The following LTBP1 variants were observed in gnomAD, a reference collection of about 807,000 sequenced individuals.
LTBP1 encodes latent-transforming growth factor beta-binding protein 1.
LTBP1 carries 129 observed loss-of-function variants against 207.6 expected under a neutral mutation model. That is an observed-to-expected ratio of 0.62 (90% confidence interval 0.54 to 0.72). The LOEUF (loss-of-function observed/expected upper bound fraction) is 0.72. Ranked by LOEUF, LTBP1 falls within the 30% of genes least tolerant of loss-of-function variation. The probability of loss-of-function intolerance (pLI) is 0.00; values close to 1 mark genes in which losing one functional copy is unlikely to be tolerated. For synonymous variants in LTBP1, 963 were observed against 833.7 expected, an observed-to-expected ratio of 1.16 and a Z score of -2.67; for missense variants, 2,281 against 2,217.2, an observed-to-expected ratio of 1.03 and a Z score of -0.58.
rs2087490281 is a variant in LTBP1 at position 33,188,712 on chromosome 2, T to G, written c.1562T>G (p.Val521Gly). ...GAAGCTCAACCAGGCCAATCCCAAG[T>G]CTCGTACCAAGGGCTTCCTGTCCAG... ...TKEAQPGQSQVSYQGLPVQKT... is the reference protein window; with the variant it reads ...TKEAQPGQSQGSYQGLPVQKT... The change falls in exon 7 of 34, where the codon GTC becomes GGC. Residue 521 changes from valine to glycine, a missense_variant. By Grantham distance (109) the Val-to-Gly change is moderately radical. This residue lies in a region of LTBP1 where 1,671 missense variants were observed against 1,634.8 expected (regional missense o/e 1.02). Coordinates refer to ENST00000404816, the MANE Select transcript of LTBP1 (RefSeq NM_206943.4). 1.9e-6 allele frequency: 3 copies of G among 1,613,940 alleles called. No homozygotes were observed. The highest frequency in any genetic ancestry group is 2.5e-6 in the Non-Finnish European group (3 of 1,180,028).
At chr2:33,303,719 C>T (rs1012391584) in intron 22 of LTBP1, among the ~76,000 whole-genome samples, 5 of 152,106 alleles carry the variant, frequency 3.3e-5, no homozygotes, top group Non-Finnish European at 4.4e-5. Flanking sequence ...CAAGAGGGTT[C>T]GCCCTCCTAT....
intron 2 of LTBP1, among the ~76,000 whole-genome samples, chr2:32,988,103 A>G (rs1470665303): frequency 6.6e-6 from 1 of 152,216 alleles, no homozygotes; most frequent in Non-Finnish European, 1.5e-5. Flanking sequence ...AGCAAGGAAC[A>G]GCTTCTCCCT....
chr2:33,209,609 T>G (rs901491099), intron 7 of LTBP1, among the ~76,000 whole-genome samples: 6 of 152,240 alleles, frequency 3.9e-5, no homozygotes, highest in Admixed American at 6.5e-5. Flanking sequence ...AGAGCACTTT[T>G]GAGAAAACCT....
intron 3 of LTBP1, among the ~76,000 whole-genome samples, chr2:33,052,688 A>G (rs959346472): frequency 6.6e-6 from 1 of 152,196 alleles, no homozygotes; most frequent in Non-Finnish European, 1.5e-5. Context: ...TACTATTTGT[A>G]AGTTTTCTGT....
chr2:33,008,567 T>C (rs1258160674), intron 2 of LTBP1, among the ~76,000 whole-genome samples: 1 of 152,236 alleles, frequency 6.6e-6, no homozygotes, highest in Middle Eastern at 3.2e-3. Flanking sequence ...CATTTAAGTC[T>C]ATTTGCCTTC....
chr2:33,057,707 G>A (rs1304499098), intron 3 of LTBP1, among the ~76,000 whole-genome samples: 1 of 152,242 alleles, frequency 6.6e-6, no homozygotes, highest in Non-Finnish European at 1.5e-5. Context: ...CGGCACGGCT[G>A]GCCGGCAGCT....
At chr2:33,018,271 G>A (rs761296352) in intron 2 of LTBP1, among the ~76,000 whole-genome samples, 11 of 151,260 alleles carry the variant, frequency 7.3e-5, no homozygotes, top group Non-Finnish European at 1.6e-4. Flanking sequence ...AGGTTCTTGC[G>A]GCTCATTCTT....
In LTBP1 at chr2:32,947,428, GC is replaced by G. The variant is rs1353479577; in HGVS notation, c.108del (p.Gly37AlafsTer9). The G allele has an allele frequency of 2.1e-6, 3 of 1,439,732 alleles. No individual in the cohort carries two copies. Among genetic ancestry groups the G allele is most frequent in the Non-Finnish European group, 1.8e-6 (2 of 1,098,994 alleles). The allele number at this position is 1,439,732 out of a possible 1,614,324, so 89.2% of individuals were successfully genotyped here. On this transcript the variant is annotated frameshift_variant, in exon 1 of 34. Coordinates refer to ENST00000404816, the MANE Select transcript of LTBP1 (RefSeq NM_206943.4). LOFTEE classifies it high-confidence loss of function. Reference protein sequence around the residue: ...LRRITYVVHPGPGLAAGALPL... With the variant: ...LRRITYVVHPXPGLAAGALPL... Reference sequence around the variant, plus strand: ...AGGATCACCTACGTGGTGCACCCGGGCCCCGGCCTGGCAGCCGGCGCCTTGC... The same window carrying G: ...AGGATCACCTACGTGGTGCACCCGGGCCCGGCCTGGCAGCCGGCGCCTTGC...
intron 25 of LTBP1, among the ~76,000 whole-genome samples, chr2:33,344,529 C>T (rs2094675612): frequency 6.6e-6 from 1 of 152,140 alleles, no homozygotes; most frequent in Non-Finnish European, 1.5e-5. Flanking sequence ...CTCTCCTTCC[C>T]TGAGCCCTGG....
rs74663716 is a variant in LTBP1 at position 33,352,840 on chromosome 2, A to T, written c.4000+5330A>T. ...AATGGATTGTTTAGCTTTCCGTCCT[A>T]CACTCCTCATACCTACATCCAAGCC... On this transcript the variant is annotated intron_variant, in intron 26 of 33. Transcript: ENST00000404816. Among the ~76,000 whole-genome samples the T allele has an allele frequency of 2.7e-3, 416 of 152,190 alleles. 1 individual carries two copies. The highest frequency in any genetic ancestry group is 9.4e-3 in the African/African-American group (392 of 41,522).
chr2:33,187,963 G>A (rs6708836), intron 6 of LTBP1, among the ~76,000 whole-genome samples: 83,626 of 152,060 alleles, frequency 0.55, 23,168 homozygotes, highest in Middle Eastern at 0.61. Context: ...AAATTTACCT[G>A]CTTAGAACAA....
chr2:33,186,349 A>G (rs1573046142), intron 5 of LTBP1, among the ~76,000 whole-genome samples: 1 of 152,240 alleles, frequency 6.6e-6, no homozygotes, highest in African/African-American at 2.4e-5. Context: ...TAATCACATC[A>G]TGGAGAATGA....
intron 31 of LTBP1, among the ~76,000 whole-genome samples, chr2:33,369,353 T>A (rs1467628369): frequency 6.6e-6 from 1 of 152,160 alleles, no homozygotes; most frequent in African/African-American, 2.4e-5. Flanking sequence ...ACAATGGTAG[T>A]TTTTTTGTTA....
intron 22 of LTBP1, among the ~76,000 whole-genome samples, chr2:33,307,939 C>T (rs148569114): frequency 3.3e-5 from 5 of 152,282 alleles, no homozygotes; most frequent in African/African-American, 7.2e-5. Context: ...AAATGAAATT[C>T]GGTATCACCG....
chr2:33,106,269 ATCT>A (rs2080058738), intron 3 of LTBP1, among the ~76,000 whole-genome samples: 2 of 152,356 alleles, frequency 1.3e-5, no homozygotes, highest in South Asian at 4.1e-4. Flanking sequence ...AGTTGGAATC[ATCT>A]TCTTACAAAT....
intron 3 of LTBP1, among the ~76,000 whole-genome samples, chr2:33,060,114 A>C (rs1228760104): frequency 6.6e-6 from 1 of 151,964 alleles, no homozygotes; most frequent in Non-Finnish European, 1.5e-5. Flanking sequence ...TAAACTGTAG[A>C]CTCCATTTCA....
intron 3 of LTBP1, among the ~76,000 whole-genome samples, chr2:33,046,174 G>A (rs148705819): frequency 1.3e-5 from 2 of 152,256 alleles, no homozygotes; most frequent in African/African-American, 4.8e-5. Context: ...ATGAGAGAGG[G>A]CATTCTTGTC....
intron 3 of LTBP1, among the ~76,000 whole-genome samples, chr2:33,060,555 A>G (rs544881398): frequency 2.2e-5 from 3 of 138,754 alleles, no homozygotes; most frequent in African/African-American, 2.7e-5. Context: ...TTTGGGGGGG[A>G]TGTGTGTGTA....
In LTBP1 at chr2:33,245,545, A is replaced by G. The variant is rs374158548; in HGVS notation, c.1999+1761A>G. 9.6e-4 allele frequency among the ~76,000 whole-genome samples: 147 copies of G among 152,368 alleles called. 5 individuals are homozygous for G. In the South Asian group the frequency reaches 0.029, roughly 30 times the overall value. On this transcript the variant is annotated intron_variant, in intron 10 of 33. Coordinates refer to ENST00000404816, the MANE Select transcript of LTBP1 (RefSeq NM_206943.4). ...TTACAAACAGTTCTGATCATGAAGC[A>G]GACAGACACCTAATTATAAGGCTTT...
Sources: allele counts gnomAD v4.1 joint callset (sites outside exome capture counted in the v4.1 genomes callset), GRCh38; gene constraint gnomAD v4.1.1; regional missense constraint gnomAD v4.1.1; transcripts MANE v1.5; gene names NCBI Gene and HGNC (gene_info 2026-07-23, HGNC 2026-07-21).